PLPPR1: variants seen among roughly 807,000 people sequenced by gnomAD.
PLPPR1 encodes phospholipid phosphatase related 1, also known as phospholipid phosphatase-related protein type 1.
A neutral mutation model predicts 33.1 loss-of-function variants in PLPPR1; 10 were observed. That is an observed-to-expected ratio of 0.30 (90% CI 0.19 to 0.51). The LOEUF (loss-of-function observed/expected upper bound fraction) is 0.51, where lower values mean the gene tolerates loss of function less well. PLPPR1 is among the 20% of genes least tolerant of loss of function. The pLI is 0.97. For missense variants in PLPPR1, 304 were observed against 408.1 expected (o/e 0.74, Z 2.20); for synonymous variants, 151 against 151.0 (o/e 1.00, Z 0.00).
intron 2 of PLPPR1, among the ~76,000 whole-genome samples, chr9:101,203,792 AT>A (rs1826539305): frequency 6.6e-6 from 1 of 151,908 alleles, no homozygotes; most frequent in African/African-American, 2.4e-5. Context: ...TTACTCTAAA[AT>A]TAAAAGACAA....
At chr9:101,147,096 G>C (rs1831529856) in intron 1 of PLPPR1, among the ~76,000 whole-genome samples, 1 of 152,124 alleles carries the variant, frequency 6.6e-6, no homozygotes, top group Admixed American at 6.5e-5. Context: ...CCCTACAAAA[G>C]AGGTCCTGTG....
intron 1 of PLPPR1, among the ~76,000 whole-genome samples, chr9:101,154,019 T>G (rs2118656194): frequency 6.6e-6 from 1 of 152,294 alleles, no homozygotes; most frequent in Admixed American, 6.5e-5. Flanking sequence ...CATTGACTGA[T>G]TTGTGTATGT....
intron 1 of PLPPR1, among the ~76,000 whole-genome samples, chr9:101,138,601 T>C (rs1831407296): frequency 6.6e-6 from 1 of 152,198 alleles, no homozygotes; most frequent in Non-Finnish European, 1.5e-5. Flanking sequence ...GCTACCAGAA[T>C]TATTAAATTT....
intron 1 of PLPPR1, among the ~76,000 whole-genome samples, chr9:101,064,683 T>C (rs2118473960): frequency 6.6e-6 from 1 of 152,196 alleles, no homozygotes; most frequent in East Asian, 1.9e-4. Context: ...TCTGTTACTA[T>C]AACTGAATAT....
chr9:101,068,111 A>G (rs1325243456), intron 1 of PLPPR1, among the ~76,000 whole-genome samples: 1 of 152,152 alleles, frequency 6.6e-6, no homozygotes, highest in Non-Finnish European at 1.5e-5. Flanking sequence ...AATAATTGTT[A>G]TATTAATGCC....
chr9:101,204,888 G>A (rs1826560233), intron 2 of PLPPR1, among the ~76,000 whole-genome samples: 2 of 152,138 alleles, frequency 1.3e-5, no homozygotes, highest in South Asian at 4.1e-4. Context: ...AAGAAGTTTA[G>A]GTTCTATCTT....
At chr9:101,054,881 G>A (rs186092454) in intron 1 of PLPPR1, among the ~76,000 whole-genome samples, 2 of 152,320 alleles carry the variant, frequency 1.3e-5, no homozygotes, top group East Asian at 1.9e-4. Context: ...GAAGCAGCAG[G>A]AATCAGATAC....
intron 1 of PLPPR1, among the ~76,000 whole-genome samples, chr9:101,038,593 T>C (rs1298135197): frequency 6.6e-6 from 1 of 152,134 alleles, no homozygotes; most frequent in African/African-American, 2.4e-5. Flanking sequence ...AACTGGTGAT[T>C]GAAGAGGCTG....
chr9:101,229,691 A>G (rs1476632972), intron 2 of PLPPR1, among the ~76,000 whole-genome samples: 2 of 152,164 alleles, frequency 1.3e-5, no homozygotes, highest in East Asian at 3.9e-4. Flanking sequence ...TTGAGTTTCT[A>G]CAACAAGATC....
intron 4 of PLPPR1, among the ~76,000 whole-genome samples, chr9:101,289,032 T>G (rs192394415): frequency 1.5e-4 from 23 of 152,318 alleles, no homozygotes; most frequent in African/African-American, 5.3e-4. Flanking sequence ...GGTCCTCACA[T>G]GTCTCCAGCC....
Position 101,137,518 on chromosome 9 carries a change from G to T in PLPPR1, c.-45-47932G>T, listed in dbSNP as rs551152866. On this transcript the variant is annotated intron_variant, in intron 1 of 7. Coordinates refer to ENST00000374874, the MANE Select transcript of PLPPR1 (RefSeq NM_207299.2). ...TTAGAAAAGGATGCCAGTTCCTCTGGGTGGAGGTGGTCCTGTGTTGGGGTG... is the reference window on the plus strand; with the variant it reads ...TTAGAAAAGGATGCCAGTTCCTCTGTGTGGAGGTGGTCCTGTGTTGGGGTG... Among the ~76,000 whole-genome samples the T allele has an allele frequency of 3.2e-4, 49 of 152,270 alleles. 1 individual carries two copies. The highest frequency in any genetic ancestry group is 1.2e-3 in the African/African-American group (49 of 41,560).
intron 2 of PLPPR1, among the ~76,000 whole-genome samples, chr9:101,246,831 A>G (rs951159918): frequency 7.9e-5 from 12 of 151,938 alleles, no homozygotes; most frequent in African/African-American, 2.7e-4. Flanking sequence ...TTAACCAGCT[A>G]TTGTCTGTGG....
At chr9:101,321,044 C>A (rs577343694) in intron 7 of PLPPR1, among the ~76,000 whole-genome samples, 20 of 152,294 alleles carry the variant, frequency 1.3e-4, no homozygotes, top group Admixed American at 2.6e-4. Context: ...TAAATACCCC[C>A]CTGTGAGCAA....
intron 2 of PLPPR1, among the ~76,000 whole-genome samples, chr9:101,255,342 A>G (rs1390777594): frequency 6.6e-6 from 1 of 152,164 alleles, no homozygotes; most frequent in Non-Finnish European, 1.5e-5. Context: ...ATGGCACAAC[A>G]CAGCTCCAGG....
intron 1 of PLPPR1, among the ~76,000 whole-genome samples, chr9:101,142,581 G>A (rs1362015643): frequency 6.6e-6 from 1 of 152,182 alleles, no homozygotes; most frequent in Admixed American, 6.5e-5. Flanking sequence ...GCTTCAGCTA[G>A]TTCTTCTACA....
At chr9:101,234,996 A>G (rs1827271097) in intron 2 of PLPPR1, among the ~76,000 whole-genome samples, 1 of 151,946 alleles carries the variant, frequency 6.6e-6, no homozygotes, top group Non-Finnish European at 1.5e-5. Flanking sequence ...AAAAGCTGGG[A>G]TATCAAGTTT....
chr9:101,079,226 A>G (rs1382901282), intron 1 of PLPPR1, among the ~76,000 whole-genome samples: 1 of 152,172 alleles, frequency 6.6e-6, no homozygotes, highest in East Asian at 1.9e-4. Flanking sequence ...GCTCCTAGGC[A>G]GGCTGCATAC....
rs527739845 is a variant in PLPPR1 at position 101,311,722 on chromosome 9, A to G, written c.637-1076A>G. On this transcript the variant is annotated intron_variant, in intron 5 of 7. Coordinates refer to ENST00000374874, the MANE Select transcript of PLPPR1 (RefSeq NM_207299.2). ...GAGGTATCATTCTAGAATATTAAGA[A>G]TTTCTATTGTAATACTGTAAAATGC... 5.9e-5 allele frequency among the ~76,000 whole-genome samples: 9 copies of G among 152,278 alleles called. No homozygotes were observed. The South Asian group carries it at 1.9e-3, about 32-fold the overall frequency.
At chr9:101,235,779 C>T (rs931636333) in intron 2 of PLPPR1, among the ~76,000 whole-genome samples, 22 of 151,898 alleles carry the variant, frequency 1.4e-4, no homozygotes, top group African/African-American at 4.3e-4. Context: ...CACCAGCTTC[C>T]TCTGAAAAAG....
Sources: gnomAD v4.1 joint callset for allele counts (sites outside exome capture counted in the v4.1 genomes callset) on GRCh38, gnomAD v4.1.1 for gene constraint, MANE v1.5 for transcripts, NCBI Gene and HGNC (gene_info 2026-07-23, HGNC 2026-07-21) for gene names.